The following SERGEF variants were observed in gnomAD, a reference collection of about 807,000 sequenced individuals.
The protein encoded by SERGEF is secretion regulating guanine nucleotide exchange factor.
SERGEF carries 51 observed loss-of-function variants against 50.0 expected under a neutral mutation model. That is an observed-to-expected ratio of 1.02 (90% CI 0.81 to 1.29). SERGEF has a LOEUF of 1.29. Ranked by LOEUF, SERGEF falls within the 50% of genes most tolerant of loss-of-function variation. SERGEF has a pLI of 0.00. For missense variants in SERGEF, 521 were observed against 557.0 expected (o/e 0.94, Z 0.65); for synonymous variants, 205 against 212.4 (o/e 0.97, Z 0.30).
At chr11:17,932,958 T>A (rs1852383225) in intron 9 of SERGEF, among the ~76,000 whole-genome samples, 1 of 152,204 alleles carries the variant, frequency 6.6e-6, no homozygotes, top group Non-Finnish European at 1.5e-5. Context: ...AATTATACAT[T>A]AATGTTTAAC....
At chr11:17,875,433 C>T (rs181432145) in intron 10 of SERGEF, among the ~76,000 whole-genome samples, 1 of 152,350 alleles carries the variant, frequency 6.6e-6, no homozygotes, top group Non-Finnish European at 1.5e-5. Flanking sequence ...TTGACCCACT[C>T]CCAGATCGGG....
At chr11:17,980,028 T>C (rs1853462458) in intron 8 of SERGEF, among the ~76,000 whole-genome samples, 2 of 152,014 alleles carry the variant, frequency 1.3e-5, no homozygotes, top group African/African-American at 4.8e-5. Flanking sequence ...CACCCTGAAC[T>C]CTGAATGAAA....
At chr11:17,974,092 C>G (rs1853315535) in intron 8 of SERGEF, among the ~76,000 whole-genome samples, 1 of 152,138 alleles carries the variant, frequency 6.6e-6, no homozygotes, top group Non-Finnish European at 1.5e-5. Context: ...TCCATGGCCT[C>G]ATGGTATGGA....
chr11:17,830,010 G>A (rs1207074051), intron 10 of SERGEF, among the ~76,000 whole-genome samples: 1 of 152,236 alleles, frequency 6.6e-6, no homozygotes, highest in Admixed American at 6.5e-5. Context: ...CCTCCTTCTT[G>A]GAACAATCCT....
At chr11:17,954,952 T>C (rs1367985786) in intron 9 of SERGEF, among the ~76,000 whole-genome samples, 1 of 152,208 alleles carries the variant, frequency 6.6e-6, no homozygotes, top group Non-Finnish European at 1.5e-5. Context: ...CACAGCATCA[T>C]GCTGGGATCG....
intron 5 of SERGEF, among the ~76,000 whole-genome samples, chr11:17,998,096 A>G (rs1343643868): frequency 1.3e-5 from 2 of 152,146 alleles, no homozygotes; most frequent in Admixed American, 1.3e-4. Flanking sequence ...CTTGTGATAC[A>G]TATCAACTAA....
chr11:17,857,460 C>G (rs1850842543), intron 10 of SERGEF, among the ~76,000 whole-genome samples: 1 of 152,200 alleles, frequency 6.6e-6, no homozygotes, highest in African/African-American at 2.4e-5. Context: ...TTTGGCTACC[C>G]TCGCCATTTG....
intron 8 of SERGEF, among the ~76,000 whole-genome samples, chr11:17,966,405 C>T (rs1311068441): frequency 6.6e-6 from 1 of 152,206 alleles, no homozygotes; most frequent in East Asian, 1.9e-4. Flanking sequence ...CAGGTCCCTT[C>T]TGCTTTAGGC....
chr11:17,789,998 CA>C (rs1565167678), intron 10 of SERGEF, among the ~76,000 whole-genome samples: 1 of 151,982 alleles, frequency 6.6e-6, no homozygotes. Flanking sequence ...AACAAACAAA[CA>C]AAAAAGTAAA....
chr11:17,877,422 G>A (rs1022468036), intron 10 of SERGEF, among the ~76,000 whole-genome samples: 12 of 152,170 alleles, frequency 7.9e-5, no homozygotes, highest in Admixed American at 4.6e-4. Context: ...GGAGTTAAGC[G>A]TCATTCTATG....
intron 1 of SERGEF, among the ~76,000 whole-genome samples, chr11:18,008,407 G>A (rs1396109972): frequency 6.6e-6 from 1 of 152,194 alleles, no homozygotes; most frequent in African/African-American, 2.4e-5. Flanking sequence ...AGGCACCCTG[G>A]CAGGCTTAAT....
intron 10 of SERGEF, among the ~76,000 whole-genome samples, chr11:17,857,487 A>T (rs1460591277): frequency 6.6e-6 from 1 of 152,248 alleles, no homozygotes; most frequent in Non-Finnish European, 1.5e-5. Flanking sequence ...TTAAAATTTT[A>T]AAAAGCATCT....
At chr11:17,855,931 C>G (rs924544756) in intron 10 of SERGEF, 2 of 152,202 alleles carry the variant, frequency 1.3e-5, no homozygotes, top group Non-Finnish European at 2.9e-5. Flanking sequence ...GAGATCCTTT[C>G]CAGCACCAAC....
intron 8 of SERGEF, among the ~76,000 whole-genome samples, chr11:17,977,812 C>T (rs1853409300): frequency 6.6e-6 from 1 of 152,258 alleles, no homozygotes; most frequent in South Asian, 2.1e-4. Context: ...AGGTGAGAGT[C>T]TATGAACCAG....
intron 9 of SERGEF, among the ~76,000 whole-genome samples, chr11:17,890,026 C>CA (rs59805347): frequency 0.21 from 15,631 of 73,884 alleles, 1,255 homozygotes; most frequent in Middle Eastern, 0.36. Context: ...ACACTTCAAC[C>CA]AAAAAAAAAA....
chr11:17,868,646 T>C (rs935515907), intron 10 of SERGEF, among the ~76,000 whole-genome samples: 5 of 152,192 alleles, frequency 3.3e-5, no homozygotes, highest in Admixed American at 2.6e-4. Flanking sequence ...TAGTCCATTT[T>C]CATGCTGCTA....
chr11:17,832,754 CAA>C (rs1850333046), intron 10 of SERGEF, among the ~76,000 whole-genome samples: 1 of 152,136 alleles, frequency 6.6e-6, no homozygotes, highest in Admixed American at 6.5e-5. Flanking sequence ...GGAACTGGAG[CAA>C]AAGTGACTCT....
At chr11:17,929,007 G>A (rs912354230) in intron 9 of SERGEF, among the ~76,000 whole-genome samples, 2 of 152,132 alleles carry the variant, frequency 1.3e-5, no homozygotes, top group Non-Finnish European at 2.9e-5. Flanking sequence ...AACATTTGTT[G>A]AAACTCAATC....
chr11:17,929,513 C>A (rs1852313595), intron 9 of SERGEF, among the ~76,000 whole-genome samples: 1 of 152,150 alleles, frequency 6.6e-6, no homozygotes, highest in Non-Finnish European at 1.5e-5. Context: ...ATGAATCATC[C>A]CAAGGTAACT....
Sources: allele counts gnomAD v4.1 joint callset (sites outside exome capture counted in the v4.1 genomes callset), GRCh38; gene constraint gnomAD v4.1.1; transcripts MANE v1.5; gene names NCBI Gene and HGNC (gene_info 2026-07-23, HGNC 2026-07-21).